KLHL38: variants seen among roughly 807,000 people sequenced by gnomAD.
KLHL38 encodes kelch like family member 38.
Under a neutral mutation model 39.6 loss-of-function variants are expected in KLHL38, and 38 were observed. The ratio of observed to expected loss-of-function variants is 0.96; its 90% CI spans 0.74 to 1.26. KLHL38 has a LOEUF of 1.26. KLHL38 is among the 50% of genes most tolerant of loss of function. The pLI is 0.00. For synonymous variants in KLHL38, 322 were observed against 302.2 expected (o/e 1.07, Z -0.68); for missense variants, 803 against 748.1 (o/e 1.07, Z -0.86).
In KLHL38 at chr8:123,653,743, G is replaced by T. The variant is rs189452063; in HGVS notation, c.-159C>A. Among the ~76,000 whole-genome samples, 47 of 152,308 alleles carry T rather than the reference G, an allele frequency of 3.1e-4. No homozygotes were observed. Among genetic ancestry groups the T allele is most frequent in the Admixed American group, 1.6e-3 (25 of 15,308 alleles). On this transcript the variant is annotated 5_prime_UTR_variant, in exon 1 of 4. Coordinates refer to ENST00000684634, the MANE Select transcript of KLHL38 (RefSeq NM_001081675.3). ...ATTTCTGGATTTGTTTATGCTGAAG[G>T]CACTTTCATAGTTTTCTAGAGCTTT...
rs1818648447 is a variant in KLHL38 at position 123,645,626 on chromosome 8, C to T, written c.*113G>A. ...GTTCCAGGCCTCCCGACTCTGGTAC[C>T]TCAGTCTTGTGAGCTCTCCCTGCAG... On this transcript the variant is annotated 3_prime_UTR_variant, in exon 4 of 4. Transcript: ENST00000684634. 2 of 1,193,028 alleles carry T rather than the reference C, an allele frequency of 1.7e-6. No homozygotes were observed. The highest frequency in any genetic ancestry group is 2.4e-6 in the Non-Finnish European group (2 of 838,314). The allele number at this position is 1,193,028 out of a possible 1,614,324, so 73.9% of individuals were successfully genotyped here.
chr8:123,644,860 G>GT lies in KLHL38; in HGVS notation c.*878dup. Among the ~76,000 whole-genome samples, 1 of 152,258 alleles carries GT rather than the reference G, an allele frequency of 6.6e-6. No individual in the cohort carries two copies. Among genetic ancestry groups the GT allele is most frequent in the East Asian group, 1.9e-4 (1 of 5,190 alleles). ...AATTCAAAAGAGGCCCATAAGCATT[G>GT]TTTTTTAGGTTTAATATATGGATAA... On this transcript the variant is annotated 3_prime_UTR_variant, in exon 4 of 4. Transcript: ENST00000684634.
chr8:123,649,599 T>C (rs570924504), intron 2 of KLHL38, among the ~76,000 whole-genome samples: 104 of 152,324 alleles, frequency 6.8e-4, no homozygotes, highest in Non-Finnish European at 1.2e-3. Context: ...AAGCCTTCAA[T>C]GAAGTTCTGT....
At position 123,644,879 on chromosome 8, in the gene KLHL38, T is replaced by A. The variant is rs958493288; in HGVS notation, c.*860A>T. Among the ~76,000 whole-genome samples, 1 of 152,184 alleles carries A rather than the reference T, an allele frequency of 6.6e-6. No homozygotes were observed. Among genetic ancestry groups the A allele is most frequent in the Non-Finnish European group, 1.5e-5 (1 of 68,036 alleles). On this transcript the variant is annotated 3_prime_UTR_variant, in exon 4 of 4. Coordinates refer to ENST00000684634, the MANE Select transcript of KLHL38 (RefSeq NM_001081675.3). ...AGCATTGTTTTTTAGGTTTAATATATGGATAATGGCAAAGTTCTCTCCTGA... is the reference window on the plus strand; with the variant it reads ...AGCATTGTTTTTTAGGTTTAATATAAGGATAATGGCAAAGTTCTCTCCTGA...
rs1812697733 is a variant in KLHL38 at position 123,653,749 on chromosome 8, T to G, written c.-165A>C. Among the ~76,000 whole-genome samples, 4 of 152,226 alleles carry G rather than the reference T, an allele frequency of 2.6e-5. No individual in the cohort carries two copies. Among genetic ancestry groups the G allele is most frequent in the Admixed American group, 2.6e-4 (4 of 15,294 alleles). ...GGATTTGTTTATGCTGAAGGCACTT[T>G]CATAGTTTTCTAGAGCTTTGTGCAA... On this transcript the variant is annotated 5_prime_UTR_variant, in exon 1 of 4. Coordinates refer to ENST00000684634, the MANE Select transcript of KLHL38 (RefSeq NM_001081675.3).
rs374414250 is a variant in KLHL38 at position 123,645,449 on chromosome 8, A to AAGAGAGAGAGAGAG, written c.*276_*289dup. The AAGAGAGAGAGAGAG allele has an allele frequency of 8.6e-3, 2,783 of 325,082 alleles. 15 individuals carry two copies. Among genetic ancestry groups the AAGAGAGAGAGAGAG allele is most frequent in the South Asian group, 0.019 (288 of 15,134 alleles). 20.1% of individuals were successfully genotyped at this position (325,082 alleles called of 1,614,324 possible). A position where few individuals can be genotyped will look rare whatever the true frequency, so the allele number is the denominator to read the frequency against. ...GAAACTCCATCTCAAAAAAAAGAAA[A>AAGAGAGAGAGAGAG]AGAGAGAGAGAGAGAGAGAGAGAGA... On this transcript the variant is annotated 3_prime_UTR_variant, in exon 4 of 4. Coordinates refer to ENST00000684634, the MANE Select transcript of KLHL38 (RefSeq NM_001081675.3).
At position 123,651,915 on chromosome 8, in the gene KLHL38, C is replaced by G; in HGVS notation, c.1012G>C (p.Gly338Arg). 1 of 1,614,230 alleles carries G rather than the reference C, an allele frequency of 6.2e-7. No individual in the cohort carries two copies. The highest frequency in any genetic ancestry group is 8.5e-7 in the Non-Finnish European group (1 of 1,180,042). ...CTCCCTGAGCTGACAGCCATGCCCCCCAGCACATAGATGCTGCGGTGCAAG... is the reference window on the plus strand; with the variant it reads ...CTCCCTGAGCTGACAGCCATGCCCCGCAGCACATAGATGCTGCGGTGCAAG... ...ITLHRSIYVLGGMAVSSGRSL... is the reference protein window; with the variant it reads ...ITLHRSIYVLRGMAVSSGRSL... The change falls in exon 2 of 4, where the codon GGG (glycine) becomes CGG (arginine). Residue 338 changes from glycine to arginine, a missense_variant. By Grantham distance (125) the Gly-to-Arg change is moderately radical. Coordinates refer to ENST00000684634, the MANE Select transcript of KLHL38 (RefSeq NM_001081675.3).
In KLHL38 at chr8:123,652,802, GC is replaced by G. The variant is rs1383412217; in HGVS notation, c.124del (p.Ala42ProfsTer36). The G allele has an allele frequency of 1.2e-6, 2 of 1,613,668 alleles. No individual in the cohort carries two copies. The highest frequency in any genetic ancestry group is 2.7e-5 in the African/African-American group (2 of 74,936). ...GTTGCGGTGGCAGGGGATCTCCCGG[GC>G]ACCGGCACAGATGCTCACATCAGTC... is the stretch of plus-strand genomic sequence containing the variant. ...ILTDVSICAG[A>X]REIPCHRNVL... On this transcript the variant is annotated frameshift_variant, in exon 2 of 4. Coordinates refer to ENST00000684634, the MANE Select transcript of KLHL38 (RefSeq NM_001081675.3). LOFTEE classifies it high-confidence loss of function.
intron 2 of KLHL38, 97 bp from the exon 3 acceptor site, chr8:123,647,111 T>C (rs1818677335): frequency 2.8e-6 from 2 of 706,318 alleles, no homozygotes; most frequent in Non-Finnish European, 5.0e-6. Flanking sequence ...AGGAGTGAGA[T>C]TTTTCTGTCT....
In KLHL38 at chr8:123,651,922, A is replaced by G. The variant is rs781202050; in HGVS notation, c.1005T>C (p.Tyr335=). The change falls in exon 2 of 4, where the codon TAT becomes TAC. Residue 335 remains tyrosine, a synonymous_variant. Transcript: ENST00000684634. ...AGCTGACAGCCATGCCCCCCAGCAC[A>G]TAGATGCTGCGGTGCAAGGTGATGG... ...ASAITLHRSI[Y]VLGGMAVSSG... is the part of the protein sequence containing the mutation. 3 of 1,614,210 alleles carry G rather than the reference A, an allele frequency of 1.9e-6. No individual in the cohort carries two copies. The South Asian group carries it at 3.3e-5, about 18-fold the overall frequency.
chr8:123,653,097 G>A, intron 1 of KLHL38, 170 bp from the exon 2 acceptor site: 1 of 689,584 alleles, frequency 1.5e-6, no homozygotes. Context: ...GGAAAGGAAG[G>A]CCACATACAT....
chr8:123,645,992 G>C lies in KLHL38; in HGVS notation c.1493C>G (p.Ser498Cys), dbSNP rs750194540. Residue 498 changes from serine (S) to cysteine (C), a missense_variant, in exon 4 of 4, where the codon TCC (serine) becomes TGC (cysteine). Coordinates refer to ENST00000684634, the MANE Select transcript of KLHL38 (RefSeq NM_001081675.3). ...TRRILAYDPQSNKFVKCADMK... is the reference protein window; with the variant it reads ...TRRILAYDPQCNKFVKCADMK... ...GTCCGCACATTTGACAAATTTGTTGGATTGAGGGTCATAAGCAAGAATCCT... is the reference window on the plus strand; with the variant it reads ...GTCCGCACATTTGACAAATTTGTTGCATTGAGGGTCATAAGCAAGAATCCT... The C allele has an allele frequency of 6.2e-7, 1 of 1,614,080 alleles. No homozygotes were observed. Among genetic ancestry groups the C allele is most frequent in the Non-Finnish European group, 8.5e-7 (1 of 1,180,042 alleles).
chr8:123,646,901 A>C lies in KLHL38; in HGVS notation c.1456+8T>G. 1 of 1,599,938 alleles carries C rather than the reference A, an allele frequency of 6.3e-7. No individual in the cohort carries two copies. The highest frequency in any genetic ancestry group is 8.6e-7 in the Non-Finnish European group (1 of 1,168,760). ...TGTCACGCCCAGTGATCCTCTGTTC[A>C]GACTCACCTCCCACAATGACAATCC... On this transcript the variant is annotated splice_region_variant and intron_variant, in intron 3 of 3. Transcript: ENST00000684634.
Position 123,645,243 on chromosome 8 carries a change from G to C in KLHL38, c.*496C>G, listed in dbSNP as rs529664619. 1.3e-5 allele frequency among the ~76,000 whole-genome samples: 2 copies of C among 152,214 alleles called. No individual in the cohort carries two copies. The highest frequency in any genetic ancestry group is 6.5e-5 in the Admixed American group (1 of 15,286). On this transcript the variant is annotated 3_prime_UTR_variant, in exon 4 of 4. Transcript: ENST00000684634. ...ACTTGAGACCAGGAGTTCGTGACCA[G>C]CCTGGCCAACATAGTGAAACCCTGT...
chr8:123,652,335 C>G lies in KLHL38; in HGVS notation c.592G>C (p.Glu198Gln), dbSNP rs1812668158. ...TGCTTGATCCAAACCATGAGGGCCT[C>G]AAACACCTTTTCCTCCTCCCCACAG... ...GLCGEEEKVF[E>Q]ALMVWIKHDL... is the part of the protein sequence containing the mutation. The change falls in exon 2 of 4, where the codon GAG becomes CAG. Residue 198 changes from glutamate to glutamine, a missense_variant. Coordinates refer to ENST00000684634, the MANE Select transcript of KLHL38 (RefSeq NM_001081675.3). The G allele has an allele frequency of 1.2e-6, 2 of 1,613,948 alleles. No homozygotes were observed. Among genetic ancestry groups the G allele is most frequent in the Admixed American group, 1.7e-5 (1 of 60,034 alleles).
chr8:123,645,866 G>T lies in KLHL38; in HGVS notation c.1619C>A (p.Ser540Tyr). ...GGGGTCGTAGCAATCGAAGGAGGCG[G>T]AGTCCTCAATGTTGCAGTCCGTGGT... ...RLTTDCNIEDSASFDCYDPET... is the reference protein window; with the variant it reads ...RLTTDCNIEDYASFDCYDPET... Residue 540 changes from serine to tyrosine, a missense_variant, in exon 4 of 4, where the codon TCC becomes TAC. Ser to Tyr is a moderately radical substitution (Grantham distance 144). Transcript: ENST00000684634. 1.2e-6 allele frequency: 2 copies of T among 1,614,086 alleles called. No individual in the cohort carries two copies. Among genetic ancestry groups the T allele is most frequent in the Non-Finnish European group, 1.7e-6 (2 of 1,180,022 alleles).
intron 2 of KLHL38, among the ~76,000 whole-genome samples, chr8:123,649,110 G>A (rs1274704654): frequency 6.6e-6 from 1 of 152,184 alleles, no homozygotes; most frequent in Non-Finnish European, 1.5e-5. Context: ...TTCTTGATAT[G>A]CTAGCTTGAA....
At chr8:123,651,083 CA>C (rs1386304270) in intron 2 of KLHL38, among the ~76,000 whole-genome samples, 1 of 152,110 alleles carries the variant, frequency 6.6e-6, no homozygotes, top group East Asian at 1.9e-4. Flanking sequence ...TATTTTTGCA[CA>C]AAAAAATTCA....
chr8:123,652,781 C>CGGTGGCAGGGGATCTCCCGGGCACCG lies in KLHL38; in HGVS notation c.120_145dup (p.Arg49ProfsTer38), dbSNP rs1563594341. On this transcript the variant is annotated frameshift_variant, in exon 2 of 4. Transcript: ENST00000684634. LOFTEE classifies it high-confidence loss of function. ...GGGGCTGCTGGAGGCCAGCACGTTG[C>CGGTGGCAGGGGATCTCCCGGGCACCG]GGTGGCAGGGGATCTCCCGGGCACC... is the stretch of plus-strand genomic sequence containing the variant. The CGGTGGCAGGGGATCTCCCGGGCACCG allele has an allele frequency of 1.2e-6, 2 of 1,613,982 alleles. No individual in the cohort carries two copies. Among genetic ancestry groups the CGGTGGCAGGGGATCTCCCGGGCACCG allele is most frequent in the East Asian group, 4.5e-5 (2 of 44,886 alleles).
Sources: allele counts gnomAD v4.1 joint callset (sites outside exome capture counted in the v4.1 genomes callset), GRCh38; gene constraint gnomAD v4.1.1; transcripts MANE v1.5; gene names NCBI Gene and HGNC (gene_info 2026-07-23, HGNC 2026-07-21).